Variants in FSTL4 observed in about 807,000 individuals in gnomAD.
FSTL4 encodes the protein follistatin-related protein 4.
FSTL4 carries 28 observed loss-of-function variants against 78.2 expected under a neutral mutation model. The observed-to-expected ratio is 0.36, with a 90% CI of 0.27 to 0.49. The LOEUF (loss-of-function observed/expected upper bound fraction) is 0.49, where lower values mean the gene tolerates loss of function less well. Among genes scored for constraint, FSTL4 ranks in the 20% least tolerant of loss-of-function variants. The pLI, the probability that FSTL4 is intolerant of heterozygous loss-of-function variation, is 0.98. For missense variants in FSTL4, 922 were observed against 1,084.9 expected (o/e 0.85, Z 2.11); for synonymous variants, 422 against 440.5 (o/e 0.96, Z 0.53).
At chr5:133,354,303 C>A (rs1039362559) in intron 4 of FSTL4, among the ~76,000 whole-genome samples, 2 of 152,146 alleles carry the variant, frequency 1.3e-5, no homozygotes, top group Non-Finnish European at 1.5e-5. Context: ...TTTGGCCCTG[C>A]GACAGAGGAG....
chr5:133,476,133 A>T (rs542306796), intron 3 of FSTL4, among the ~76,000 whole-genome samples: 1 of 152,176 alleles, frequency 6.6e-6, no homozygotes, highest in Non-Finnish European at 1.5e-5. Flanking sequence ...TGGGGCAAAA[A>T]CGGGCAAAAA....
chr5:133,448,749 G>T (rs572591752), intron 3 of FSTL4, among the ~76,000 whole-genome samples: 25 of 140,378 alleles, frequency 1.8e-4, no homozygotes, highest in Middle Eastern at 7.1e-3. Context: ...CGGGGGGGGG[G>T]GGCGCTCAGA....
rs545951939 is a variant in FSTL4 at position 133,413,619 on chromosome 5, G to T, written c.161-12633C>A. The stretch of plus-strand genomic sequence containing the variant: ...ATCCTTACCTATCTTCCATTAAATG[G>T]TATCTCTATTCCATTATTTTTCTCC... On this transcript the variant is annotated intron_variant, in intron 3 of 15. Coordinates refer to ENST00000265342, the MANE Select transcript of FSTL4 (RefSeq NM_015082.2). Among the ~76,000 whole-genome samples the T allele has an allele frequency of 9.7e-4, 147 of 152,024 alleles. 2 individuals carry two copies. Among genetic ancestry groups the T allele is most frequent in the Middle Eastern group, 3.4e-3 (1 of 292 alleles).
At chr5:133,386,387 A>C (rs1755702094) in intron 4 of FSTL4, among the ~76,000 whole-genome samples, 1 of 152,210 alleles carries the variant, frequency 6.6e-6, no homozygotes, top group South Asian at 2.1e-4. Flanking sequence ...TTTCCTTCCC[A>C]GCCTTCTAGA....
chr5:133,581,345 G>A (rs746179048), intron 2 of FSTL4, among the ~76,000 whole-genome samples: 8 of 152,302 alleles, frequency 5.3e-5, no homozygotes, highest in East Asian at 1.9e-4. Flanking sequence ...TGTTCCTCAC[G>A]TAGGATGCAC....
intron 4 of FSTL4, among the ~76,000 whole-genome samples, chr5:133,351,731 C>T (rs7729070): frequency 0.034 from 5,100 of 152,186 alleles, 173 homozygotes; most frequent in African/African-American, 0.095. Flanking sequence ...CCTCAGCCTC[C>T]CTAGTAGCTG....
chr5:133,603,696 T>C (rs1760917146), intron 2 of FSTL4, among the ~76,000 whole-genome samples, 162 bp downstream of exon 2: 1 of 152,242 alleles, frequency 6.6e-6, no homozygotes, highest in South Asian at 2.1e-4. Context: ...CTTGTCTGTA[T>C]CCACACAGGT....
At chr5:133,537,784 A>T (rs2642687) in intron 3 of FSTL4, among the ~76,000 whole-genome samples, 45,864 of 146,826 alleles carry the variant, frequency 0.31, 7,125 homozygotes, top group Admixed American at 0.35. Flanking sequence ...TCTCTCTCAC[A>T]TATATATATA....
chr5:133,209,371 C>A (rs1029710883), intron 14 of FSTL4, among the ~76,000 whole-genome samples: 1 of 152,170 alleles, frequency 6.6e-6, no homozygotes, highest in Non-Finnish European at 1.5e-5. Flanking sequence ...GCTCCATTTG[C>A]AGCCCTTCTC....
the FSTL4 span, among the ~76,000 whole-genome samples, chr5:133,687,813 G>T: frequency 6.6e-6 from 1 of 152,080 alleles, no homozygotes; most frequent in Non-Finnish European, 1.5e-5. Flanking sequence ...CCACAACTTG[G>T]GCACCATCAG....
intron 5 of FSTL4, among the ~76,000 whole-genome samples, chr5:133,313,089 C>T (rs1377509476): frequency 6.6e-6 from 1 of 152,164 alleles, no homozygotes; most frequent in East Asian, 1.9e-4. Flanking sequence ...CTTGAGGCCA[C>T]CTGCTCTACT....
At chr5:133,540,996 C>T (rs747791628) in intron 3 of FSTL4, among the ~76,000 whole-genome samples, 10 of 152,058 alleles carry the variant, frequency 6.6e-5, no homozygotes, top group Admixed American at 2.0e-4. Flanking sequence ...TCTCACAGCC[C>T]CTGCAAGCTT....
intron 2 of FSTL4, among the ~76,000 whole-genome samples, chr5:133,589,908 C>T (rs1164776471): frequency 6.6e-6 from 1 of 152,124 alleles, no homozygotes; most frequent in Non-Finnish European, 1.5e-5. Flanking sequence ...TATCTTGAAG[C>T]CTCAATTTCT....
chr5:133,208,301 G>A (rs1750590971), intron 14 of FSTL4: 1 of 152,186 alleles, frequency 6.6e-6, no homozygotes, highest in African/African-American at 2.4e-5. Flanking sequence ...AACCCTTGGA[G>A]CGTGTAGATG....
At position 133,263,798 on chromosome 5, in the gene FSTL4, G is replaced by A. The variant is rs149402483; in HGVS notation, c.728-14222C>T. ...ATTGGATAGAGAGGGAGAATTGTAT[G>A]CTACAAGAGAGAGAAGGGAGAATTT... On this transcript the variant is annotated intron_variant, in intron 6 of 15. Transcript: ENST00000265342. 5.9e-3 allele frequency among the ~76,000 whole-genome samples: 901 copies of A among 152,308 alleles called. 11 individuals carry two copies. Among genetic ancestry groups the A allele is most frequent in the African/African-American group, 0.021 (860 of 41,548 alleles).
At chr5:133,590,713 T>A (rs7727556) in intron 2 of FSTL4, among the ~76,000 whole-genome samples, 2 of 152,052 alleles carry the variant, frequency 1.3e-5, no homozygotes, top group Non-Finnish European at 2.9e-5. Context: ...GGGTCAGGCG[T>A]GGACACAGGC....
the FSTL4 span, among the ~76,000 whole-genome samples, chr5:133,659,270 T>G: frequency 6.6e-6 from 1 of 152,164 alleles, no homozygotes; most frequent in Non-Finnish European, 1.5e-5. Context: ...TGTCTGTTGA[T>G]GACACATTAT....
At chr5:133,686,287 C>T in the FSTL4 span, among the ~76,000 whole-genome samples, 4 of 152,220 alleles carry the variant, frequency 2.6e-5, no homozygotes, top group Non-Finnish European at 5.9e-5. Flanking sequence ...TCATCAAACT[C>T]TCCTCAGTTC....
chr5:133,619,018 A>G, the FSTL4 span, among the ~76,000 whole-genome samples: 3 of 152,244 alleles, frequency 2.0e-5, no homozygotes, highest in African/African-American at 7.2e-5. Context: ...TCTTTTCTGC[A>G]TATAGAATGT....
Sources: allele counts gnomAD v4.1 joint callset (sites outside exome capture counted in the v4.1 genomes callset), GRCh38; gene constraint gnomAD v4.1.1; transcripts MANE v1.5; gene names NCBI Gene and HGNC (gene_info 2026-07-23, HGNC 2026-07-21).